Variants in DIS3L2 observed in about 807,000 individuals in gnomAD.
DIS3L2 encodes the protein DIS3-like exonuclease 2.
Under a neutral mutation model 97.5 loss-of-function variants are expected in DIS3L2, and 34 were observed. That is an observed-to-expected ratio of 0.35 (90% CI 0.27 to 0.46). The LOEUF is 0.46. Among genes scored for constraint, DIS3L2 ranks in the 20% least tolerant of loss-of-function variants. The pLI, the probability that DIS3L2 is intolerant of heterozygous loss-of-function variation, is 1.00. For synonymous variants in DIS3L2, 435 were observed against 445.2 expected, an observed-to-expected ratio of 0.98 and a Z score of 0.29; for missense variants, 1,038 against 1,146.0, an observed-to-expected ratio of 0.91 and a Z score of 1.36.
At chr2:232,029,869 A>C (rs575661829) in intron 4 of DIS3L2, 110 bp from the exon 5 acceptor site, 65 of 747,380 alleles carry the variant, frequency 8.7e-5, no homozygotes, top group African/African-American at 7.9e-4. Flanking sequence ...GAAAAAGGAT[A>C]ACCTAAGAAT....
In DIS3L2 at chr2:232,330,752, C is replaced by A. The variant is rs1234215083; in HGVS notation, c.1986C>A (p.Thr662=). Residue 662 remains threonine, a synonymous_variant, in exon 16 of 21, where the codon ACC becomes ACA. Transcript: ENST00000325385. ...CACTGGCCCGCAAGGAGGTGCTCACCAACATGTGCTCCCGGCCCATGCAGG... is the reference window on the plus strand; with the variant it reads ...CACTGGCCCGCAAGGAGGTGCTCACAAACATGTGCTCCCGGCCCATGCAGG... ...KYSLARKEVL[T]NMCSRPMQMA... The A allele has an allele frequency of 1.9e-6, 3 of 1,612,842 alleles. No individual in the cohort carries two copies. The highest frequency in any genetic ancestry group is 2.5e-6 in the Non-Finnish European group (3 of 1,180,010).
intron 12 of DIS3L2, among the ~76,000 whole-genome samples, chr2:232,262,930 C>A (rs1693748688): frequency 6.6e-6 from 1 of 152,188 alleles, no homozygotes; most frequent in Non-Finnish European, 1.5e-5. Context: ...AAGCCTCCAG[C>A]ATGCCTTGCC....
rs138652074 is a variant in DIS3L2 at position 232,252,774 on chromosome 2, G to A, written c.1425+3428G>A. Among the ~76,000 whole-genome samples, 545 of 152,186 alleles carry A rather than the reference G, an allele frequency of 3.6e-3. 5 individuals carry two copies. The highest frequency in any genetic ancestry group is 0.012 in the African/African-American group (512 of 41,526). On this transcript the variant is annotated intron_variant, in intron 12 of 20. Coordinates refer to ENST00000325385, the MANE Select transcript of DIS3L2 (RefSeq NM_152383.5). ...AAATTAGCCAGATGTGGTGGCATGC[G>A]CCTGTAGTCCCAGCTACTCAGGAGG...
At chr2:232,237,271 T>G (rs570129147) in intron 10 of DIS3L2, among the ~76,000 whole-genome samples, 1 of 152,266 alleles carries the variant, frequency 6.6e-6, no homozygotes, top group African/African-American at 2.4e-5. Flanking sequence ...AAGGTACAGT[T>G]CTAACAGCCT....
At chr2:232,342,997 G>A (rs758049522) in intron 13 of DIS3L2, 6 of 194,698 alleles carry the variant, frequency 3.1e-5, no homozygotes, top group Non-Finnish European at 5.3e-5. Context: ...CAGAGTGGGG[G>A]GGCTGGGAGG....
In DIS3L2 at chr2:232,087,544, C is replaced by T. The variant is rs878855227; in HGVS notation, c.424C>T (p.Pro142Ser). The change falls in exon 6 of 21, where the codon CCC (proline) becomes TCC (serine). Residue 142 changes from proline (P) to serine (S), a missense_variant. By Grantham distance (74) the Pro-to-Ser change is moderately conservative. Transcript: ENST00000325385. ...AGAAGCTGCGTATGAATCAGATATC[C>T]CCGAGGAGCTCTGTGGACACCATCT... ...ETEAAYESDI[P>S]EELCGHHLPQ... is the part of the protein sequence containing the mutation. 3 of 1,613,844 alleles carry T rather than the reference C, an allele frequency of 1.9e-6. No homozygotes were observed. The highest frequency in any genetic ancestry group is 2.5e-6 in the Non-Finnish European group (3 of 1,179,956).
At chr2:232,328,021 G>C (rs985375926) in intron 14 of DIS3L2, among the ~76,000 whole-genome samples, 2 of 152,238 alleles carry the variant, frequency 1.3e-5, no homozygotes, top group African/African-American at 4.8e-5. Flanking sequence ...CTGGGCTTGG[G>C]AGACTTGTAG....
intron 7 of DIS3L2, among the ~76,000 whole-genome samples, chr2:232,135,263 A>G (rs976835718): frequency 6.6e-6 from 1 of 152,142 alleles, no homozygotes; most frequent in African/African-American, 2.4e-5. Flanking sequence ...AGGAGATGAT[A>G]ATAATAAGAT....
intron 6 of DIS3L2, among the ~76,000 whole-genome samples, chr2:232,115,542 G>A (rs376201363): frequency 6.6e-6 from 1 of 152,182 alleles, no homozygotes; most frequent in Non-Finnish European, 1.5e-5. Context: ...GCCTGTGAAT[G>A]ATATGGTTTG....
At position 232,334,472 on chromosome 2, in the gene DIS3L2, C is replaced by T. The variant is rs2106354409; in HGVS notation, c.2262C>T (p.Thr754=). The T allele has an allele frequency of 6.2e-7, 1 of 1,613,934 alleles. No individual in the cohort carries two copies. Among genetic ancestry groups the T allele is most frequent in the Non-Finnish European group, 8.5e-7 (1 of 1,180,006 alleles). ...CCAAGCGCGTGCAGGAGCTCAGTACCAGTCTCTTCTTTGCTGTTCTGGTCA... is the reference window on the plus strand; with the variant it reads ...CCAAGCGCGTGCAGGAGCTCAGTACTAGTCTCTTCTTTGCTGTTCTGGTCA... ...MASKRVQELS[T]SLFFAVLVKE... The change falls in exon 18 of 21, where the codon ACC becomes ACT. Residue 754 remains threonine, a synonymous_variant. Transcript: ENST00000325385.
chr2:232,307,580 A>G (rs1298022460), intron 14 of DIS3L2: 1 of 152,158 alleles, frequency 6.6e-6, no homozygotes, highest in African/African-American at 2.4e-5. Context: ...ATGTCAGACA[A>G]ACTTGTGGAA....
At chr2:232,258,083 C>T (rs568597413) in intron 12 of DIS3L2, among the ~76,000 whole-genome samples, 11 of 152,234 alleles carry the variant, frequency 7.2e-5, no homozygotes, top group East Asian at 1.9e-4. Context: ...AGACTACTTC[C>T]GGTCTTACTT....
At chr2:232,287,442 A>G (rs1320980067) in intron 13 of DIS3L2, among the ~76,000 whole-genome samples, 1 of 114,904 alleles carries the variant, frequency 8.7e-6, no homozygotes, top group East Asian at 3.0e-4. Flanking sequence ...CTCTGTTGCC[A>G]GGCTAGAGTG....
At chr2:231,977,756 T>G (rs1444179258) in intron 1 of DIS3L2, among the ~76,000 whole-genome samples, 1 of 152,232 alleles carries the variant, frequency 6.6e-6, no homozygotes, top group East Asian at 1.9e-4. Context: ...AAAGCTGAGA[T>G]TTCAAATGGG....
chr2:232,206,565 C>A (rs565846334), intron 9 of DIS3L2, among the ~76,000 whole-genome samples: 1 of 152,062 alleles, frequency 6.6e-6, no homozygotes, highest in Non-Finnish European at 1.5e-5. Flanking sequence ...TTTAAACATG[C>A]AAAAACTGTT....
chr2:232,048,906 A>T (rs568015412), intron 5 of DIS3L2, among the ~76,000 whole-genome samples: 1 of 152,328 alleles, frequency 6.6e-6, no homozygotes, highest in East Asian at 1.9e-4. Flanking sequence ...TTTGCTATAT[A>T]GTTCTAAAAA....
chr2:232,074,560 C>A, intron 5 of DIS3L2, among the ~76,000 whole-genome samples: 1 of 146,496 alleles, frequency 6.8e-6, no homozygotes, highest in African/African-American at 2.5e-5. Flanking sequence ...AATATAGCCC[C>A]ATCAAGGAAC....
intron 9 of DIS3L2, among the ~76,000 whole-genome samples, chr2:232,184,480 A>G (rs1375206169): frequency 1.3e-5 from 2 of 152,106 alleles, no homozygotes; most frequent in African/African-American, 2.4e-5. Flanking sequence ...GCAAAACCCC[A>G]TCTGTACAAA....
At chr2:232,333,145 C>T (rs1306145150) in intron 16 of DIS3L2, among the ~76,000 whole-genome samples, 1 of 143,172 alleles carries the variant, frequency 7.0e-6, no homozygotes, top group South Asian at 2.3e-4. Context: ...CTCCTCCTTC[C>T]ACCACCTCCT....
Sources: gnomAD v4.1 joint callset for allele counts (sites outside exome capture counted in the v4.1 genomes callset) on GRCh38, gnomAD v4.1.1 for gene constraint, MANE v1.5 for transcripts, NCBI Gene and HGNC (gene_info 2026-07-23, HGNC 2026-07-21) for gene names.